The following CHRNA6 variants were observed in gnomAD, a reference collection of about 807,000 sequenced individuals.
The protein encoded by CHRNA6 is cholinergic receptor nicotinic alpha 6 subunit.
A neutral mutation model predicts 40.9 loss-of-function variants in CHRNA6; 31 were observed. That is an observed-to-expected ratio of 0.76 (90% CI 0.57 to 1.02). The LOEUF is 1.02. Ranked by LOEUF, CHRNA6 falls within the 50% of genes least tolerant of loss-of-function variation. The probability of loss-of-function intolerance (pLI) is 0.00; values close to 1 mark genes in which losing one functional copy is unlikely to be tolerated. For synonymous variants in CHRNA6, 222 were observed against 221.3 expected (o/e 1.00, Z -0.03); for missense variants, 546 against 596.6 (o/e 0.92, Z 0.88).
chr8:42,768,396 C>G lies in CHRNA6; in HGVS notation c.35G>C (p.Gly12Ala). Reference protein sequence around the residue: ...LTSKGQGFLHGGLCLWLCVFT... With the variant: ...LTSKGQGFLHAGLCLWLCVFT... Reference sequence around the variant, plus strand: ...CACACACAGCCAGAGACACAAGCCCCCATGAAGGAATCCCTGCCCCTTGCT... The same window carrying G: ...CACACACAGCCAGAGACACAAGCCCGCATGAAGGAATCCCTGCCCCTTGCT... Residue 12 changes from glycine to alanine, a missense_variant, in exon 1 of 6, where the codon GGG becomes GCG. This residue lies in a region of CHRNA6 where 476 missense variants were observed against 494.5 expected (regional missense o/e 0.96). Coordinates refer to ENST00000276410, the MANE Select transcript of CHRNA6 (RefSeq NM_004198.3). 1 of 1,614,066 alleles carries G rather than the reference C, an allele frequency of 6.2e-7. No homozygotes were observed. Among genetic ancestry groups the G allele is most frequent in the Non-Finnish European group, 8.5e-7 (1 of 1,179,936 alleles).
intron 2 of CHRNA6, among the ~76,000 whole-genome samples, chr8:42,764,451 C>T (rs1421190254): frequency 1.3e-5 from 2 of 152,100 alleles, no homozygotes; most frequent in Non-Finnish European, 2.9e-5. Context: ...CCTCAGCCTC[C>T]CTAGTAGCAG....
chr8:42,766,032 C>G, intron 1 of CHRNA6, among the ~76,000 whole-genome samples: 1 of 152,080 alleles, frequency 6.6e-6, no homozygotes, highest in East Asian at 1.9e-4. Context: ...ACCTAGAACC[C>G]GAAATACCAT....
rs763481468 is a variant in CHRNA6 at position 42,756,186 on chromosome 8, G to A, written c.1013C>T (p.Pro338Leu). ...CAGGAAAACTGTCTTCACCCACCTGGGCATTGTGTGCGTGGTTGGGGTGCG... is the reference window on the plus strand; with the variant it reads ...CAGGAAAACTGTCTTCACCCACCTGAGCATTGTGTGCGTGGTTGGGGTGCG... ...HYRTPTTHTM[P>L]RWVKTVFLKL... The change falls in exon 5 of 6, where the codon CCC becomes CTC. Residue 338 changes from proline (P) to leucine (L), a missense_variant. Pro to Leu is a moderately conservative substitution (Grantham distance 98). This residue lies in a region of CHRNA6 where 476 missense variants were observed against 494.5 expected (regional missense o/e 0.96). Coordinates refer to ENST00000276410, the MANE Select transcript of CHRNA6 (RefSeq NM_004198.3). 1.9e-6 allele frequency: 3 copies of A among 1,614,204 alleles called. No homozygotes were observed. The highest frequency in any genetic ancestry group is 1.6e-4 in the Middle Eastern group (1 of 6,062).
intron 1 of CHRNA6, among the ~76,000 whole-genome samples, chr8:42,766,868 A>AT (rs1316781289): frequency 6.6e-6 from 1 of 152,242 alleles, no homozygotes; most frequent in Admixed American, 6.5e-5. Context: ...CATCCTGCCC[A>AT]TGTACCCCAG....
At position 42,756,406 on chromosome 8, in the gene CHRNA6, G is replaced by C. The variant is rs201796500; in HGVS notation, c.793C>G (p.Pro265Ala). Residue 265 changes from proline (P) to alanine (A), a missense_variant, in exon 5 of 6, where the codon CCT becomes GCT. Pro to Ala is a conservative substitution (Grantham distance 27). Around this residue, in one of 3 missense-constraint regions of CHRNA6, gnomAD observed 476 missense variants for 494.5 expected, o/e 0.96. Coordinates refer to ENST00000276410, the MANE Select transcript of CHRNA6 (RefSeq NM_004198.3). ...SFLTVLVFYL[P>A]SDCGEKVTLC... ...GTCACTTTTTCACCACAGTCCGAAG[G>C]AAGGTAAAAGACCAACACGGTTAGA... 7 of 1,614,224 alleles carry C rather than the reference G, an allele frequency of 4.3e-6. No individual in the cohort carries two copies. Among genetic ancestry groups the C allele is most frequent in the Non-Finnish European group, 5.9e-6 (7 of 1,180,032 alleles).
rs764989489 is a variant in CHRNA6, at chr8:42,756,754, T to G, written c.445A>C (p.Thr149Pro). 1 of 1,612,836 alleles carries G rather than the reference T, an allele frequency of 6.2e-7. No individual in the cohort carries two copies. Among genetic ancestry groups the G allele is most frequent in the Non-Finnish European group, 8.5e-7 (1 of 1,179,792 alleles). Residue 149 changes from threonine (T) to proline (P), a missense_variant, in exon 5 of 6, where the codon ACT becomes CCT. By Grantham distance (38) the Thr-to-Pro change is conservative (BLOSUM62 -1). Transcript: ENST00000276410. The part of the protein sequence containing the change: ...LLKYNGMITW[T>P]PPAIFKSSCP... ...GAACTCTTAAAAATAGCTGGTGGAG[T>G]CCAGGTTATCATGCCATTGTATTTA...
In CHRNA6 at chr8:42,758,994, G is replaced by C. The variant is rs1265482230; in HGVS notation, c.264+75C>G. On this transcript the variant is annotated intron_variant, in intron 3 of 5. Transcript: ENST00000276410. ...ATATTTTATATTCTATAACCAGTTG[G>C]AGATGGAACAAGGTAGTGCTTGTGG... 5.5e-6 allele frequency: 6 copies of C among 1,098,530 alleles called. No individual in the cohort carries two copies. In the African/African-American group the frequency reaches 7.7e-5, roughly 14 times the overall value. 68.0% of individuals were successfully genotyped at this position (1,098,530 alleles called of 1,614,324 possible). A position where few individuals can be genotyped will look rare whatever the true frequency, so the allele number is the denominator to read the frequency against.
At chr8:42,759,908 A>AG in intron 2 of CHRNA6, among the ~76,000 whole-genome samples, 1 of 152,036 alleles carries the variant, frequency 6.6e-6, no homozygotes, top group East Asian at 1.9e-4. Context: ...AAAAAAAAAA[A>AG]AAAAAAGTCA....
chr8:42,757,885 A>G (rs1049816823), intron 3 of CHRNA6, among the ~76,000 whole-genome samples: 1 of 150,790 alleles, frequency 6.6e-6, no homozygotes, highest in Non-Finnish European at 1.5e-5. Flanking sequence ...TACAAAAAAA[A>G]TTAGCCGGGC....
rs1016980984 is a variant in CHRNA6, at chr8:42,753,007, C to A, written c.*172G>T. ...TTCTCACTTCTCCCCCTGTGCTACACTGGAGGATATTCTGCTTCCTAATGT... is the reference window on the plus strand; with the variant it reads ...TTCTCACTTCTCCCCCTGTGCTACAATGGAGGATATTCTGCTTCCTAATGT... On this transcript the variant is annotated 3_prime_UTR_variant, in exon 6 of 6. Transcript: ENST00000276410. 1 of 580,582 alleles carries A rather than the reference C, an allele frequency of 1.7e-6. No individual in the cohort carries two copies. Among genetic ancestry groups the A allele is most frequent in the Non-Finnish European group, 3.0e-6 (1 of 335,800 alleles). 36.0% of individuals were successfully genotyped at this position (580,582 alleles called of 1,614,324 possible). A position where few individuals can be genotyped will look rare whatever the true frequency, so the allele number is the denominator to read the frequency against.
chr8:42,766,578 G>A (rs1373397834), intron 1 of CHRNA6, among the ~76,000 whole-genome samples: 3 of 152,210 alleles, frequency 2.0e-5, no homozygotes, highest in African/African-American at 7.2e-5. Flanking sequence ...ACAAGATCGT[G>A]CCCTTTGCAG....
At chr8:42,754,782 AT>A (rs1816768296) in intron 5 of CHRNA6, among the ~76,000 whole-genome samples, 1 of 152,174 alleles carries the variant, frequency 6.6e-6, no homozygotes, top group South Asian at 2.1e-4. Flanking sequence ...AGGGAGGTAC[AT>A]GCTGCTATAG....
rs181221048 is a variant in CHRNA6, at chr8:42,768,643, C to G, written c.-213G>C. ...ACATGAAGGGCGAATAAAAAAGATTCGATCTGATGTCAGATGAGTCATCAC... is the reference window on the plus strand; with the variant it reads ...ACATGAAGGGCGAATAAAAAAGATTGGATCTGATGTCAGATGAGTCATCAC... On this transcript the variant is annotated 5_prime_UTR_variant, in exon 1 of 6. Coordinates refer to ENST00000276410, the MANE Select transcript of CHRNA6 (RefSeq NM_004198.3). 2.1e-6 allele frequency: 1 copy of G among 474,786 alleles called. No individual in the cohort carries two copies. Among genetic ancestry groups the G allele is most frequent in the East Asian group, 3.1e-5 (1 of 32,192 alleles). The allele number at this position is 474,786 out of a possible 1,614,324, so 29.4% of individuals were successfully genotyped here.
In CHRNA6 at chr8:42,753,055, T is replaced by C. The variant is rs933635513; in HGVS notation, c.*124A>G. 4.1e-5 allele frequency: 34 copies of C among 825,862 alleles called. 1 individual carries two copies. Among genetic ancestry groups the C allele is most frequent in the East Asian group, 3.1e-4 (12 of 38,776 alleles). 51.2% of individuals were successfully genotyped at this position (825,862 alleles called of 1,614,324 possible). ...TGTGCAAGAAAGTCCTCTTTTTCCA[T>C]GTAGCCATCAGTTTTAGCAGATGGG... is the stretch of plus-strand genomic sequence containing the variant. On this transcript the variant is annotated 3_prime_UTR_variant, in exon 6 of 6. Coordinates refer to ENST00000276410, the MANE Select transcript of CHRNA6 (RefSeq NM_004198.3).
At position 42,758,860 on chromosome 8, in the gene CHRNA6, C is replaced by T. The variant is rs546251298; in HGVS notation, c.264+209G>A. Among the ~76,000 whole-genome samples the T allele has an allele frequency of 3.9e-5, 6 of 152,262 alleles. No homozygotes were observed. In the East Asian group the frequency reaches 1.2e-3, roughly 29 times the overall value. On this transcript the variant is annotated intron_variant, in intron 3 of 5. Coordinates refer to ENST00000276410, the MANE Select transcript of CHRNA6 (RefSeq NM_004198.3). ...AGCAGCAACCAGGAAGGATGGAAAC[C>T]TCTATGTCAGAGGGACCTTTGTCAC...
chr8:42,765,018 C>G lies in CHRNA6; in HGVS notation c.219+47G>C, dbSNP rs148594531. On this transcript the variant is annotated intron_variant, in intron 2 of 5. Transcript: ENST00000276410. ...CTAAAATTCCTTCATTTACCACCTGCAAAAGTGTAACAATGCTGGGGAAAG... is the reference window on the plus strand; with the variant it reads ...CTAAAATTCCTTCATTTACCACCTGGAAAAGTGTAACAATGCTGGGGAAAG... The G allele has an allele frequency of 2.4e-3, 3,823 of 1,590,350 alleles. 70 individuals carry two copies. In the African/African-American group the frequency reaches 0.044, roughly 18 times the overall value.
chr8:42,757,384 T>G (rs1357679972), intron 3 of CHRNA6, among the ~76,000 whole-genome samples: 1 of 151,280 alleles, frequency 6.6e-6, no homozygotes, highest in Non-Finnish European at 1.5e-5. Context: ...CTTAATAACT[T>G]TCTTCCAATG....
chr8:42,761,715 A>G (rs1816907669), intron 2 of CHRNA6, among the ~76,000 whole-genome samples: 1 of 152,240 alleles, frequency 6.6e-6, no homozygotes, highest in Non-Finnish European at 1.5e-5. Flanking sequence ...TGGCACTGCT[A>G]TCAGACATCT....
rs1816797430 is a variant in CHRNA6, at chr8:42,756,257, G to A, written c.942C>T (p.Val314=). ...GEYLLFTMIF[V]TLSIVVTVFV... Reference sequence around the variant, plus strand: ...ACACAGTCACCACGATGGACAGTGTGACAAAGATCATGGTGAACAGCAGGT... The same window carrying A: ...ACACAGTCACCACGATGGACAGTGTAACAAAGATCATGGTGAACAGCAGGT... The change falls in exon 5 of 6, where the codon GTC becomes GTT. Residue 314 remains valine (V), a synonymous_variant. Transcript: ENST00000276410. 1 of 1,614,226 alleles carries A rather than the reference G, an allele frequency of 6.2e-7. No individual in the cohort carries two copies. Among genetic ancestry groups the A allele is most frequent in the East Asian group, 2.2e-5 (1 of 44,888 alleles).
Sources: gnomAD v4.1 joint callset for allele counts (sites outside exome capture counted in the v4.1 genomes callset) on GRCh38, gnomAD v4.1.1 for gene constraint, gnomAD v4.1.1 regional missense constraint, MANE v1.5 for transcripts, NCBI Gene and HGNC (gene_info 2026-07-23, HGNC 2026-07-21) for gene names.